Variants in DOCK3 observed in about 807,000 individuals in gnomAD.
DOCK3 encodes dedicator of cytokinesis protein 3.
A neutral mutation model predicts 265.6 loss-of-function variants in DOCK3; 60 were observed. The ratio of observed to expected loss-of-function variants is 0.23; its 90% confidence interval spans 0.18 to 0.28. DOCK3 has a LOEUF of 0.28. Ranked by LOEUF, DOCK3 falls within the 10% of genes least tolerant of loss-of-function variation. The pLI, the probability that DOCK3 is intolerant of heterozygous loss-of-function variation, is 1.00. For missense variants in DOCK3, 1,981 were observed against 2,594.3 expected (o/e 0.76, Z 5.14); for synonymous variants, 881 against 938.0 (o/e 0.94, Z 1.11).
At chr3:50,880,720 C>A (rs1448668433) in intron 3 of DOCK3, 1 of 152,276 alleles carries the variant, frequency 6.6e-6, no homozygotes, top group Non-Finnish European at 1.5e-5. Flanking sequence ...TGGTACCATT[C>A]TTTCTGAAAC....
chr3:50,734,793 C>T (rs544527542), intron 1 of DOCK3, among the ~76,000 whole-genome samples: 1 of 151,826 alleles, frequency 6.6e-6, no homozygotes, highest in Non-Finnish European at 1.5e-5. Context: ...TTAGTAGAGG[C>T]GGGGTTTCAC....
intron 35 of DOCK3, among the ~76,000 whole-genome samples, chr3:51,333,552 G>A (rs1232673633): frequency 1.3e-5 from 2 of 152,140 alleles, no homozygotes; most frequent in African/African-American, 4.8e-5. Flanking sequence ...AGGCTCAGAG[G>A]AATGGGCACA....
At chr3:50,982,312 G>A (rs911984798) in intron 5 of DOCK3, among the ~76,000 whole-genome samples, 6 of 152,086 alleles carry the variant, frequency 3.9e-5, no homozygotes, top group Non-Finnish European at 8.8e-5. Context: ...ATTGTTTGCT[G>A]GTTATTTTTC....
chr3:51,350,857 A>G lies in DOCK3; in HGVS notation c.4107+465A>G, dbSNP rs7611486. On this transcript the variant is annotated intron_variant, in intron 40 of 52. Coordinates refer to ENST00000266037, the MANE Select transcript of DOCK3 (RefSeq NM_004947.5). ...GTAGCCTGTGCAGCCAGGATGGAGAACTGTTGGTATGAGAGAACCTGAAGA... is the reference window on the plus strand; with the variant it reads ...GTAGCCTGTGCAGCCAGGATGGAGAGCTGTTGGTATGAGAGAACCTGAAGA... Among the ~76,000 whole-genome samples, 979 of 152,242 alleles carry G rather than the reference A, an allele frequency of 6.4e-3. 11 individuals are homozygous for G. The highest frequency in any genetic ancestry group is 0.022 in the African/African-American group (920 of 41,548).
intron 1 of DOCK3, among the ~76,000 whole-genome samples, chr3:50,770,492 A>G (rs2108466789): frequency 6.6e-6 from 1 of 152,314 alleles, no homozygotes; most frequent in South Asian, 2.1e-4. Context: ...TGGAACAATC[A>G]GTATTTTTTA....
At position 50,885,332 on chromosome 3, in the gene DOCK3, A is replaced by G. The variant is rs1056419836; in HGVS notation, c.163-4694A>G. On this transcript the variant is annotated intron_variant, in intron 3 of 52. Coordinates refer to ENST00000266037, the MANE Select transcript of DOCK3 (RefSeq NM_004947.5). Reference sequence around the variant, plus strand: ...TAGTTTCTTCCAAGTCTTGGCATTTATGAAGAAAAATGGTATAAGCTTTTG... The same window carrying G: ...TAGTTTCTTCCAAGTCTTGGCATTTGTGAAGAAAAATGGTATAAGCTTTTG... Among the ~76,000 whole-genome samples, 8 of 147,842 alleles carry G rather than the reference A, an allele frequency of 5.4e-5. No individual in the cohort carries two copies. The Admixed American group carries it at 5.4e-4, about 10-fold the overall frequency.
Position 51,141,471 on chromosome 3 carries a change from A to G in DOCK3, c.747-5078A>G, listed in dbSNP as rs112357589. Reference sequence around the variant, plus strand: ...AGTTTTAGCTCTTATATGTAGATCTATGATTCATTTTTACTTAATTTTTAC... The same window carrying G: ...AGTTTTAGCTCTTATATGTAGATCTGTGATTCATTTTTACTTAATTTTTAC... On this transcript the variant is annotated intron_variant, in intron 9 of 52. Transcript: ENST00000266037. Among the ~76,000 whole-genome samples the G allele has an allele frequency of 6.6e-5, 10 of 152,092 alleles. 2 individuals carry two copies. The highest frequency in any genetic ancestry group is 4.1e-4 in the South Asian group (2 of 4,822).
intron 22 of DOCK3, among the ~76,000 whole-genome samples, chr3:51,252,245 T>C (rs568991062): frequency 4.6e-5 from 7 of 152,260 alleles, no homozygotes; most frequent in East Asian, 1.9e-4. Flanking sequence ...ACCAGTACCA[T>C]GCTGTTTTGG....
intron 26 of DOCK3, chr3:51,278,471 C>T (rs2080935745): frequency 2.0e-6 from 2 of 985,214 alleles, no homozygotes; most frequent in South Asian, 9.4e-5. Context: ...GAAGAAAACC[C>T]TCTGGAGCAA....
At chr3:51,143,216 C>T (rs552562624) in intron 9 of DOCK3, among the ~76,000 whole-genome samples, 1 of 150,270 alleles carries the variant, frequency 6.7e-6, no homozygotes, top group East Asian at 2.0e-4. Context: ...TATAGCTATT[C>T]TAGTAGGTGT....
intron 6 of DOCK3, among the ~76,000 whole-genome samples, chr3:51,065,842 G>A (rs1163856378): frequency 6.6e-6 from 1 of 152,156 alleles, no homozygotes; most frequent in East Asian, 1.9e-4. Flanking sequence ...GGACAATCAG[G>A]TATCACCAGA....
intron 12 of DOCK3, among the ~76,000 whole-genome samples, chr3:51,175,134 A>G (rs9815781): frequency 0.82 from 125,046 of 152,172 alleles, 51,972 homozygotes; most frequent in Middle Eastern, 0.9. Flanking sequence ...AATGAGACAC[A>G]GGGCTGCTTC....
chr3:51,252,889 T>C (rs566054294), intron 22 of DOCK3, among the ~76,000 whole-genome samples: 14 of 152,310 alleles, frequency 9.2e-5, no homozygotes, highest in South Asian at 4.1e-4. Flanking sequence ...GCCAGAACTT[T>C]CAACACTATG....
At chr3:51,364,751 A>G (rs1013576733) in intron 49 of DOCK3, among the ~76,000 whole-genome samples, 1 of 152,168 alleles carries the variant, frequency 6.6e-6, no homozygotes, top group South Asian at 2.1e-4. Context: ...ATCTTTCCCC[A>G]TTGCTTGTTT....
chr3:51,157,104 C>A (rs1179437775), intron 10 of DOCK3, among the ~76,000 whole-genome samples: 1 of 152,000 alleles, frequency 6.6e-6, no homozygotes, highest in Non-Finnish European at 1.5e-5. Context: ...TTTTCAATAT[C>A]AAACACAACT....
intron 5 of DOCK3, among the ~76,000 whole-genome samples, chr3:50,961,949 G>A (rs1043925736): frequency 1.3e-5 from 2 of 151,926 alleles, no homozygotes; most frequent in Non-Finnish European, 2.9e-5. Flanking sequence ...TGTTTAGTTC[G>A]TAGTACACAA....
In DOCK3 at chr3:51,068,560, A is replaced by AAAAAAGAAG. The variant is rs529031027; in HGVS notation, c.464+3966_464+3967insAAAGAAGAA. Among the ~76,000 whole-genome samples, 45 of 82,414 alleles carry AAAAAAGAAG rather than the reference A, an allele frequency of 5.5e-4. 3 individuals carry two copies. The highest frequency in any genetic ancestry group is 6.8e-4 in the Non-Finnish European group (31 of 45,814). 54.1% of individuals were successfully genotyped at this position (82,414 alleles called of 152,430 possible). A position where few individuals can be genotyped will look rare whatever the true frequency, so the allele number is the denominator to read the frequency against. ...GTCTGAAAAAAAAAAAAAAAAAAAA[A>AAAAAAGAAG]AAGAAGAAGAAGAAATGCTGCTATG... On this transcript the variant is annotated intron_variant, in intron 6 of 52. Coordinates refer to ENST00000266037, the MANE Select transcript of DOCK3 (RefSeq NM_004947.5).
chr3:51,162,921 G>A (rs560334074), intron 12 of DOCK3, among the ~76,000 whole-genome samples: 7 of 152,038 alleles, frequency 4.6e-5, no homozygotes, highest in African/African-American at 1.7e-4. Context: ...GAGTTAAAAT[G>A]TACAATAATT....
intron 5 of DOCK3, among the ~76,000 whole-genome samples, chr3:50,951,863 C>G (rs2076601698): frequency 6.6e-6 from 1 of 152,186 alleles, no homozygotes. Flanking sequence ...TTTAACTTAC[C>G]TTTTGATGCC....
Sources: allele counts gnomAD v4.1 joint callset (sites outside exome capture counted in the v4.1 genomes callset), GRCh38; gene constraint gnomAD v4.1.1; transcripts MANE v1.5; gene names NCBI Gene and HGNC (gene_info 2026-07-23, HGNC 2026-07-21).